The following SGSM3 variants were observed in gnomAD, a reference collection of about 807,000 sequenced individuals.
The protein encoded by SGSM3 is RUN and SH3 containing 3.
In SGSM3, 96 loss-of-function variants were observed where a neutral mutation model predicts 100.5. That is an observed-to-expected ratio of 0.96 (90% CI 0.81 to 1.13). SGSM3 has a LOEUF of 1.13. SGSM3 is among the 50% of genes most tolerant of loss of function. The probability of loss-of-function intolerance (pLI) is 0.00; values close to 1 mark genes in which losing one functional copy is unlikely to be tolerated. For missense variants in SGSM3, 1,001 were observed against 1,015.8 expected, an observed-to-expected ratio of 0.99 and a Z score of 0.20; for synonymous variants, 483 against 422.8, an observed-to-expected ratio of 1.14 and a Z score of -1.75.
At position 40,407,037 on chromosome 22, in the gene SGSM3, G is replaced by A. The variant is rs150363308; in HGVS notation, c.1206G>A (p.Gln402=). The change falls in exon 11 of 22, where the codon CAG becomes CAA. Residue 402 remains glutamine, a synonymous_variant. Transcript: ENST00000248929. The surrounding 1 kb of genome is among the most constrained non-coding windows in gnomAD (Gnocchi z 4.7). ...NLSQVVRRRT[Q]RRKSTITALL... ...TGCAGGTTGTTCGCCGCAGGACCCA[G>A]CGGAGGAAGTCCACCATCACTGCTC... 3,605 of 1,584,422 alleles carry A rather than the reference G, an allele frequency of 2.3e-3. 6 individuals carry two copies. Among genetic ancestry groups the A allele is most frequent in the Non-Finnish European group, 2.9e-3 (3,390 of 1,165,150 alleles).
chr22:40,371,720 C>G (rs1373933476), intron 1 of SGSM3, among the ~76,000 whole-genome samples: 1 of 150,734 alleles, frequency 6.6e-6, no homozygotes, highest in African/African-American at 2.5e-5. Context: ...TTTTTTAAGA[C>G]GGGAGTTTCG....
chr22:40,404,146 G>A (rs1002626820), intron 4 of SGSM3, 101 bp from the exon 5 acceptor site: 1 of 985,664 alleles, frequency 1.0e-6, no homozygotes, highest in Non-Finnish European at 1.5e-6. Context: ...AGCTGGCCTA[G>A]AGCCATGAAG....
chr22:40,375,636 A>G (rs1287792016), intron 1 of SGSM3, among the ~76,000 whole-genome samples: 2 of 151,192 alleles, frequency 1.3e-5, no homozygotes, highest in African/African-American at 4.8e-5. Context: ...CTTATCTTGG[A>G]AAGGGTATAA....
At chr22:40,371,461 T>G (rs1005284911) in intron 1 of SGSM3, among the ~76,000 whole-genome samples, 1 of 152,202 alleles carries the variant, frequency 6.6e-6, no homozygotes, top group Non-Finnish European at 1.5e-5. Flanking sequence ...TTCTTATTCT[T>G]TCTTAGTAAA....
chr22:40,379,032 T>G (rs1271812980), intron 1 of SGSM3, among the ~76,000 whole-genome samples: 2 of 152,210 alleles, frequency 1.3e-5, no homozygotes, highest in Non-Finnish European at 2.9e-5. Context: ...CTACCTAATT[T>G]AGAATAGCAG....
In SGSM3 at chr22:40,409,395, G is replaced by A. The variant is rs2052229451; in HGVS notation, c.2111+23G>A. 1.9e-6 allele frequency: 3 copies of A among 1,582,388 alleles called. No homozygotes were observed. In the East Asian group the frequency reaches 6.8e-5, roughly 36 times the overall value. ...CCGGTGAGGACCTTACTGGGCTTGG[G>A]GGATGGAGGTGGGGTGGGAAGGGCT... On this transcript the variant is annotated intron_variant, in intron 20 of 21. Transcript: ENST00000248929.
In SGSM3 at chr22:40,400,765, C is replaced by G; in HGVS notation, c.-42C>G. The G allele has an allele frequency of 6.4e-7, 1 of 1,550,960 alleles. No homozygotes were observed. The highest frequency in any genetic ancestry group is 2.4e-5 in the East Asian group (1 of 41,008). Reference sequence around the variant, plus strand: ...TCTAAGATAGCAGGATAGGAGACTTCTAAGATTGGAGCTGCAGAAGACTTG... The same window carrying G: ...TCTAAGATAGCAGGATAGGAGACTTGTAAGATTGGAGCTGCAGAAGACTTG... On this transcript the variant is annotated 5_prime_UTR_variant, in exon 2 of 22. Coordinates refer to ENST00000248929, the MANE Select transcript of SGSM3 (RefSeq NM_015705.6).
intron 6 of SGSM3, 142 bp downstream of exon 6, chr22:40,404,806 CAAAG>C (rs1404971036): frequency 4.4e-6 from 3 of 679,696 alleles, no homozygotes; most frequent in East Asian, 2.7e-5. Context: ...CTCTGCAGGC[CAAAG>C]AAAGAATTGT....
rs776223282 is a variant in SGSM3, at chr22:40,408,990, C to T, written c.1960C>T (p.Leu654Phe). The T allele has an allele frequency of 1.9e-6, 3 of 1,581,366 alleles. No individual in the cohort carries two copies. Among genetic ancestry groups the T allele is most frequent in the Middle Eastern group, 1.7e-4 (1 of 5,948 alleles). Residue 654 changes from leucine (L) to phenylalanine (F), a missense_variant, in exon 19 of 22, where the codon CTC (leucine) becomes TTC (phenylalanine). Transcript: ENST00000248929. ...AGTGCATGCACAAATGGATGTGAAGCTCCGCTCACTGATCTGCGTGGGGCT... is the reference window on the plus strand; with the variant it reads ...AGTGCATGCACAAATGGATGTGAAGTTCCGCTCACTGATCTGCGTGGGGCT... ...DAVHAQMDVKLRSLICVGLNE... is the reference protein window; with the variant it reads ...DAVHAQMDVKFRSLICVGLNE...
At chr22:40,401,544 C>A in intron 2 of SGSM3, 49 bp from the exon 3 acceptor site, 2 of 1,494,744 alleles carry the variant, frequency 1.3e-6, no homozygotes, top group African/African-American at 1.4e-5. Flanking sequence ...CTGCGCCTGG[C>A]CTGCCTCTGC....
chr22:40,402,463 G>C (rs2050878522), intron 4 of SGSM3, among the ~76,000 whole-genome samples: 1 of 152,210 alleles, frequency 6.6e-6, no homozygotes, highest in Non-Finnish European at 1.5e-5. Flanking sequence ...ATTCAGGCTG[G>C]ACGTGGTGGC....
rs773127290 is a variant in SGSM3, at chr22:40,408,603, TCA to T, written c.1783-20_1783-19del. On this transcript the variant is annotated intron_variant, in intron 16 of 21. Transcript: ENST00000248929. ...AACCAGCATCTTCCTGTCCCTGCAC[TCA>T]CACCGTGTGCTGTCCCCACAGGCTG... 9.3e-6 allele frequency: 15 copies of T among 1,612,966 alleles called. No homozygotes were observed. The African/African-American group carries it at 1.9e-4, about 20-fold the overall frequency.
rs768697517 is a variant in SGSM3 at position 40,408,364 on chromosome 22, G to C, written c.1717G>C (p.Glu573Gln). ...TLCPALKALF[E>Q]HGLKKPSLLG... is the part of the protein sequence containing the mutation. ...CTGCCCGGCCCTTAAGGCCCTGTTC[G>C]AACATGGACTGAAGAAGCCATCCCT... is the stretch of plus-strand genomic sequence containing the variant. The change falls in exon 16 of 22, where the codon GAA becomes CAA. Residue 573 changes from glutamate (E) to glutamine (Q), a missense_variant. By Grantham distance (29) the Glu-to-Gln change is conservative (BLOSUM62 2). Coordinates refer to ENST00000248929, the MANE Select transcript of SGSM3 (RefSeq NM_015705.6). 2 of 1,613,448 alleles carry C rather than the reference G, an allele frequency of 1.2e-6. No homozygotes were observed. Among genetic ancestry groups the C allele is most frequent in the Admixed American group, 3.3e-5 (2 of 60,014 alleles).
At chr22:40,405,958 C>T in intron 8 of SGSM3, 114 bp downstream of exon 8, 1 of 1,483,804 alleles carries the variant, frequency 6.7e-7, no homozygotes, top group African/African-American at 1.4e-5. Flanking sequence ...CTCTTTTGTT[C>T]TCTGGTGTTC....
chr22:40,409,843 C>T lies in SGSM3; in HGVS notation c.*84C>T, dbSNP rs73887803. 1,537 of 1,531,278 alleles carry T rather than the reference C, an allele frequency of 1.0e-3. 20 individuals are homozygous for T. In the African/African-American group the frequency reaches 0.019, roughly 19 times the overall value. 94.9% of individuals were successfully genotyped at this position (1,531,278 alleles called of 1,614,324 possible). A position where few individuals can be genotyped will look rare whatever the true frequency, so the allele number is the denominator to read the frequency against. Reference sequence around the variant, plus strand: ...TGCAGAGCCCAGGGAAGAGCAGCTCCAGAGCCCTGGCCGGGGCCGCGGGAT... The same window carrying T: ...TGCAGAGCCCAGGGAAGAGCAGCTCTAGAGCCCTGGCCGGGGCCGCGGGAT... On this transcript the variant is annotated 3_prime_UTR_variant, in exon 22 of 22. Transcript: ENST00000248929.
At chr22:40,401,563 G>C (rs776529698) in intron 2 of SGSM3, 30 bp from the exon 3 acceptor site, 2 of 1,587,056 alleles carry the variant, frequency 1.3e-6, no homozygotes, top group African/African-American at 2.7e-5. Context: ...GCATTTTCTT[G>C]ATTGTTCTCC....
chr22:40,409,033 G>A lies in SGSM3; in HGVS notation c.1988+15G>A, dbSNP rs1311205866. 1.9e-6 allele frequency: 3 copies of A among 1,557,256 alleles called. No homozygotes were observed. In the Admixed American group the frequency reaches 5.8e-5, roughly 30 times the overall value. On this transcript the variant is annotated intron_variant, in intron 19 of 21. Coordinates refer to ENST00000248929, the MANE Select transcript of SGSM3 (RefSeq NM_015705.6). ...GTGGGGCTCAAGTGAGTGTGGAAAA[G>A]GGGTTGGAGGAGAGCCCTGGAGTGG...
At chr22:40,375,482 A>G (rs1478954661) in intron 1 of SGSM3, among the ~76,000 whole-genome samples, 1 of 151,974 alleles carries the variant, frequency 6.6e-6, no homozygotes, top group Non-Finnish European at 1.5e-5. Context: ...CGGGAGGCTG[A>G]GGCAGGAGAA....
chr22:40,406,567 G>T lies in SGSM3; in HGVS notation c.1090G>T (p.Val364Leu). 2 of 1,613,068 alleles carry T rather than the reference G, an allele frequency of 1.2e-6. No homozygotes were observed. Among genetic ancestry groups the T allele is most frequent in the Non-Finnish European group, 1.7e-6 (2 of 1,179,888 alleles). The change falls in exon 10 of 22, where the codon GTG becomes TTG. Residue 364 changes from valine (V) to leucine (L), a missense_variant. Coordinates refer to ENST00000248929, the MANE Select transcript of SGSM3 (RefSeq NM_015705.6). Reference protein sequence around the residue: ...AMRLAGSLTDVAVETQRRKHL... With the variant: ...AMRLAGSLTDLAVETQRRKHL... The stretch of plus-strand genomic sequence containing the variant: ...GCGGCTGGCCGGCTCCCTCACCGAT[G>T]TGGCCGTGGAGACTCAGCGCCGCAA...
Sources: allele counts gnomAD v4.1 joint callset (sites outside exome capture counted in the v4.1 genomes callset), GRCh38; gene constraint gnomAD v4.1.1; non-coding constraint Gnocchi (gnomAD v3.1); transcripts MANE v1.5; gene names NCBI Gene and HGNC (gene_info 2026-07-23, HGNC 2026-07-21).